SLC39A14: variants seen among roughly 807,000 people sequenced by gnomAD.
SLC39A14 encodes metal cation symporter ZIP14.
A neutral mutation model predicts 45.5 loss-of-function variants in SLC39A14; 19 were observed. The observed-to-expected ratio is 0.42, with a 90% CI of 0.29 to 0.61. SLC39A14 has a LOEUF of 0.61. Ranked by LOEUF, SLC39A14 falls within the 20% of genes least tolerant of loss-of-function variation. The pLI is 0.22. For synonymous variants in SLC39A14, 264 were observed against 251.3 expected, an observed-to-expected ratio of 1.05 and a Z score of -0.48; for missense variants, 447 against 616.5, an observed-to-expected ratio of 0.73 and a Z score of 2.91.
At chr8:22,409,595 C>T (rs998763558) in intron 3 of SLC39A14, among the ~76,000 whole-genome samples, 18 of 151,370 alleles carry the variant, frequency 1.2e-4, no homozygotes, top group Non-Finnish European at 1.6e-4. Flanking sequence ...TTAGTCAGGC[C>T]GGTCTCGAAC....
At chr8:22,424,958 G>A (rs1050023156), downstream of SLC39A14, among the ~76,000 whole-genome samples, 3 of 146,574 alleles carry the variant, frequency 2.0e-5, no homozygotes, top group Admixed American at 7.4e-5. Flanking sequence ...GAACCCGGGA[G>A]GCAGAGGTTG....
intron 1 of SLC39A14, among the ~76,000 whole-genome samples, chr8:22,404,036 G>A (rs967302592): frequency 6.6e-6 from 1 of 152,152 alleles, no homozygotes; most frequent in Admixed American, 6.5e-5. Flanking sequence ...CCACACCCGT[G>A]TGCTCATACC....
intron 8 of SLC39A14, among the ~76,000 whole-genome samples, chr8:22,433,229 T>G (rs1289366396): frequency 6.6e-6 from 1 of 152,152 alleles, no homozygotes; most frequent in Non-Finnish European, 1.5e-5. Flanking sequence ...TAGATTATGC[T>G]CAGTGAGGGT....
intron 1 of SLC39A14, among the ~76,000 whole-genome samples, chr8:22,381,109 G>A (rs866809523): frequency 6.6e-6 from 1 of 152,136 alleles, no homozygotes; most frequent in Middle Eastern, 3.4e-3. Flanking sequence ...AAGTAGCTGG[G>A]ACTACAGGCG....
chr8:22,417,921 G>C, intron 8 of SLC39A14, 86 bp downstream of exon 8: 6 of 1,167,730 alleles, frequency 5.1e-6, no homozygotes, highest in Non-Finnish European at 7.1e-6. Flanking sequence ...TTATTTTTTT[G>C]AGATGGAGTC....
At chr8:22,386,267 CTTTT>C in intron 1 of SLC39A14, among the ~76,000 whole-genome samples, 1 of 131,972 alleles carries the variant, frequency 7.6e-6, no homozygotes, top group South Asian at 2.5e-4. Flanking sequence ...AGAAGGATGA[CTTTT>C]TTTTTTTTTT....
intron 8 of SLC39A14, among the ~76,000 whole-genome samples, chr8:22,419,244 G>C (rs376893227): frequency 5.9e-5 from 9 of 152,210 alleles, no homozygotes; most frequent in African/African-American, 2.2e-4. Context: ...GAGTGCAGTG[G>C]TGTGATCTCC....
downstream of SLC39A14, among the ~76,000 whole-genome samples, chr8:22,423,920 C>T (rs1404107909): frequency 6.6e-6 from 1 of 151,926 alleles, no homozygotes; most frequent in Non-Finnish European, 1.5e-5. Flanking sequence ...ATCTTCCTGC[C>T]TTAACCTTTT....
At chr8:22,415,225 G>C (rs1835802603) in intron 5 of SLC39A14, 1 of 285,360 alleles carries the variant, frequency 3.5e-6, no homozygotes, top group African/African-American at 2.3e-5. Flanking sequence ...CATTCATTCT[G>C]TATGAAGTAT....
At chr8:22,397,683 C>G (rs1217409974) in intron 1 of SLC39A14, among the ~76,000 whole-genome samples, 2 of 152,306 alleles carry the variant, frequency 1.3e-5, no homozygotes, top group East Asian at 3.9e-4. Flanking sequence ...CGCCTGGGCT[C>G]CAGATGGCTC....
intron 7 of SLC39A14, among the ~76,000 whole-genome samples, chr8:22,417,266 G>C (rs1835941961): frequency 6.6e-6 from 1 of 152,214 alleles, no homozygotes; most frequent in African/African-American, 2.4e-5. Flanking sequence ...GAGAAATGAG[G>C]AGGCCAGTGC....
chr8:22,381,076 C>T (rs962705791), intron 1 of SLC39A14, among the ~76,000 whole-genome samples: 9 of 151,548 alleles, frequency 5.9e-5, no homozygotes, highest in East Asian at 1.9e-4. Context: ...TGGGTTCAAG[C>T]GATTCTCCTG....
chr8:22,370,471 A>T (rs1467173387), intron 1 of SLC39A14, among the ~76,000 whole-genome samples: 1 of 152,172 alleles, frequency 6.6e-6, no homozygotes, highest in Non-Finnish European at 1.5e-5. Flanking sequence ...CCCCACAACC[A>T]TGGAATGTTG....
At chr8:22,432,644 A>G (rs1389468810) in intron 8 of SLC39A14, among the ~76,000 whole-genome samples, 1 of 109,498 alleles carries the variant, frequency 9.1e-6, no homozygotes, top group Non-Finnish European at 1.9e-5. Flanking sequence ...GTGCCCGGCT[A>G]ATTTTTTTTT....
In SLC39A14 at chr8:22,421,408, G is replaced by T; in HGVS notation, c.*1710G>T. The T allele has an allele frequency of 1.0e-6, 1 of 985,796 alleles. No homozygotes were observed. Among genetic ancestry groups the T allele is most frequent in the South Asian group, 4.7e-5 (1 of 21,284 alleles). 61.1% of individuals were successfully genotyped at this position (985,796 alleles called of 1,614,324 possible). ...TTTAAGTTTTGTTTTTATCTTGCCTGTTGGCTTCAATACATTTGAGAATAC... is the reference window on the plus strand; with the variant it reads ...TTTAAGTTTTGTTTTTATCTTGCCTTTTGGCTTCAATACATTTGAGAATAC... On this transcript the variant is annotated 3_prime_UTR_variant, in exon 9 of 9. Coordinates refer to ENST00000381237, the MANE Select transcript of SLC39A14 (RefSeq NM_001128431.4).
intron 1 of SLC39A14, among the ~76,000 whole-genome samples, chr8:22,382,537 G>A (rs1833567594): frequency 6.6e-6 from 1 of 152,088 alleles, no homozygotes; most frequent in Non-Finnish European, 1.5e-5. Flanking sequence ...AGCCCACCAG[G>A]CTTGGTGGCA....
intron 1 of SLC39A14, among the ~76,000 whole-genome samples, chr8:22,373,572 C>T (rs1833047480): frequency 6.6e-6 from 1 of 151,992 alleles, no homozygotes; most frequent in African/African-American, 2.4e-5. Context: ...CATGTAGCTT[C>T]TGAAAAGTGA....
rs375474645 is a variant in SLC39A14, at chr8:22,417,748, T to C, written c.1245T>C (p.Phe415=). Residue 415 remains phenylalanine (F), a synonymous_variant, in exon 8 of 9, where the codon TTT becomes TTC. Transcript: ENST00000381237. ...GCTGCTGCTACCTGGGTCTGGCCTTTGGCATCCTGGCCGGCAGCCACTTCT... is the reference window on the plus strand; with the variant it reads ...GCTGCTGCTACCTGGGTCTGGCCTTCGGCATCCTGGCCGGCAGCCACTTCT... ...SACCCYLGLA[F]GILAGSHFSA... The C allele has an allele frequency of 1.9e-6, 3 of 1,614,100 alleles. No individual in the cohort carries two copies. The highest frequency in any genetic ancestry group is 1.3e-5 in the African/African-American group (1 of 74,942).
In SLC39A14 at chr8:22,422,690, A is replaced by T. The variant is rs182906150; in HGVS notation, c.*2992A>T. On this transcript the variant is annotated 3_prime_UTR_variant, in exon 9 of 9. Transcript: ENST00000381237. Reference sequence around the variant, plus strand: ...ATATTCTGTAATTGTTGAGAATCCCACGGGTGATCATTTGCAATAAATGTG... The same window carrying T: ...ATATTCTGTAATTGTTGAGAATCCCTCGGGTGATCATTTGCAATAAATGTG... The T allele has an allele frequency of 2.0e-6, 2 of 985,156 alleles. No homozygotes were observed. Among genetic ancestry groups the T allele is most frequent in the East Asian group, 1.1e-4 (1 of 8,832 alleles). 61.0% of individuals were successfully genotyped at this position (985,156 alleles called of 1,614,324 possible).
Sources: gnomAD v4.1 joint callset for allele counts (sites outside exome capture counted in the v4.1 genomes callset) on GRCh38, gnomAD v4.1.1 for gene constraint, MANE v1.5 for transcripts, NCBI Gene and HGNC (gene_info 2026-07-23, HGNC 2026-07-21) for gene names.